The following CAMK2B variants were observed in gnomAD, a reference collection of about 807,000 sequenced individuals.
The protein encoded by CAMK2B is calcium/calmodulin dependent protein kinase II beta.
A neutral mutation model predicts 93.7 loss-of-function variants in CAMK2B; 27 were observed. The ratio of observed to expected loss-of-function variants is 0.29; its 90% CI spans 0.21 to 0.40. The LOEUF is 0.40. Among genes scored for constraint, CAMK2B ranks in the 10% least tolerant of loss-of-function variants. The pLI is 1.00. For synonymous variants in CAMK2B, 374 were observed against 358.8 expected, an observed-to-expected ratio of 1.04 and a Z score of -0.48; for missense variants, 568 against 895.8, an observed-to-expected ratio of 0.63 and a Z score of 4.67.
chr7:44,240,086 G>A (rs995416537), intron 12 of CAMK2B, among the ~76,000 whole-genome samples: 2 of 152,122 alleles, frequency 1.3e-5, no homozygotes, highest in Admixed American at 1.3e-4. Context: ...AGTGTCGGAC[G>A]ACGGAGAAGC....
chr7:44,256,134 C>A (rs2096831471), intron 4 of CAMK2B, among the ~76,000 whole-genome samples: 1 of 152,246 alleles, frequency 6.6e-6, no homozygotes, highest in Admixed American at 6.5e-5. Flanking sequence ...CCTCTCCTCT[C>A]ACTCCTCATG....
rs189909271 is a variant in CAMK2B at position 44,255,796 on chromosome 7, T to C, written c.276-1189A>G. Among the ~76,000 whole-genome samples the C allele has an allele frequency of 1.9e-4, 29 of 152,276 alleles. 1 individual carries two copies. The East Asian group carries it at 5.2e-3, about 27-fold the overall frequency. On this transcript the variant is annotated intron_variant, in intron 4 of 23. Coordinates refer to ENST00000395749, the MANE Select transcript of CAMK2B (RefSeq NM_001220.5). ...GCACATGTGGGTGCTCTCTCAGCAC[T>C]GGAGAAAAAGAAAAGTGAGCATGTG... is the stretch of plus-strand genomic sequence containing the variant.
chr7:44,297,563 CA>C (rs1265815604), intron 1 of CAMK2B, among the ~76,000 whole-genome samples: 1 of 152,036 alleles, frequency 6.6e-6, no homozygotes, highest in African/African-American at 2.4e-5. Context: ...CTTATTGGAT[CA>C]AAAAACAAGA....
In CAMK2B at chr7:44,236,368, T is replaced by C. The variant is rs145258483; in HGVS notation, c.1022-1692A>G. Reference sequence around the variant, plus strand: ...TTCCCAGCCTCCCCTTCCTCACAGATCTCTTAACTCTCAACAATTTTGTAT... The same window carrying C: ...TTCCCAGCCTCCCCTTCCTCACAGACCTCTTAACTCTCAACAATTTTGTAT... On this transcript the variant is annotated intron_variant, in intron 13 of 23. Coordinates refer to ENST00000395749, the MANE Select transcript of CAMK2B (RefSeq NM_001220.5). 9.2e-5 allele frequency among the ~76,000 whole-genome samples: 14 copies of C among 152,264 alleles called. No homozygotes were observed. In the East Asian group the frequency reaches 2.7e-3, roughly 29 times the overall value.
intron 17 of CAMK2B, 104 bp downstream of exon 17, chr7:44,230,902 C>T: frequency 1.0e-6 from 1 of 956,520 alleles, no homozygotes; most frequent in Non-Finnish European, 1.6e-6. Context: ...CATGCATAAA[C>T]TAGGCGTCGC....
At chr7:44,245,208 A>G (rs2096718818) in intron 6 of CAMK2B, among the ~76,000 whole-genome samples, 1 of 152,114 alleles carries the variant, frequency 6.6e-6, no homozygotes, top group Admixed American at 6.5e-5. Flanking sequence ...GGTAGCTCTC[A>G]GGCTGTGCCC....
At chr7:44,242,905 T>A (rs2096695294) in intron 8 of CAMK2B, among the ~76,000 whole-genome samples, 1 of 152,148 alleles carries the variant, frequency 6.6e-6, no homozygotes, top group African/African-American at 2.4e-5. Context: ...TCCCCACCTC[T>A]GTGGGAGGAG....
At chr7:44,249,043 T>A (rs144169608) in intron 5 of CAMK2B, among the ~76,000 whole-genome samples, 315 of 152,274 alleles carry the variant, frequency 2.1e-3, no homozygotes, top group African/African-American at 6.9e-3. Flanking sequence ...ATCTAGAGAC[T>A]TCCTGGCCTC....
At chr7:44,289,602 G>A (rs1008384211) in intron 1 of CAMK2B, among the ~76,000 whole-genome samples, 1 of 152,146 alleles carries the variant, frequency 6.6e-6, no homozygotes, top group Non-Finnish European at 1.5e-5. Flanking sequence ...CCTCACAAGG[G>A]CTGGTGACTT....
intron 1 of CAMK2B, among the ~76,000 whole-genome samples, chr7:44,285,210 G>A (rs2129107904): frequency 6.6e-6 from 1 of 152,352 alleles, no homozygotes; most frequent in South Asian, 2.1e-4. Flanking sequence ...CACCACGGTT[G>A]ATTTAATTTG....
intron 2 of CAMK2B, among the ~76,000 whole-genome samples, chr7:44,270,342 G>A (rs949835808): frequency 6.6e-6 from 1 of 152,162 alleles, no homozygotes; most frequent in Non-Finnish European, 1.5e-5. Context: ...GCCAGAAGCT[G>A]TGTACTGTGC....
intron 2 of CAMK2B, among the ~76,000 whole-genome samples, chr7:44,267,508 A>C (rs78295989): frequency 6.6e-6 from 1 of 152,198 alleles, no homozygotes; most frequent in East Asian, 1.9e-4. Flanking sequence ...GGCATCTTGC[A>C]AATCTGCACC....
At position 44,248,745 on chromosome 7, in the gene CAMK2B, C is replaced by A. The variant is rs1474222048; in HGVS notation, c.342-1553G>T. 6.6e-6 allele frequency among the ~76,000 whole-genome samples: 1 copy of A among 152,202 alleles called. No individual in the cohort carries two copies. Among genetic ancestry groups the A allele is most frequent in the African/African-American group, 2.4e-5 (1 of 41,436 alleles). ...ACCCGTCTTGGTCCCATCTGTACAG[C>A]GTCAGCCATTGCATTAAAAAGTGAA... On this transcript the variant is annotated intron_variant, in intron 5 of 23. Transcript: ENST00000395749. This position sits in a 1 kb window ranked among gnomAD's most constrained non-coding sequence, Gnocchi z 4.1.
rs534669183 is a variant in CAMK2B at position 44,294,174 on chromosome 7, C to T, written c.66-9949G>A. Among the ~76,000 whole-genome samples the T allele has an allele frequency of 3.9e-5, 6 of 152,314 alleles. No homozygotes were observed. In the East Asian group the frequency reaches 1.2e-3, roughly 29 times the overall value. On this transcript the variant is annotated intron_variant, in intron 1 of 23. Transcript: ENST00000395749. Reference sequence around the variant, plus strand: ...GAAAACCCCAGTCTCTGCCTCTCTTCTTGGGTCCTCCCTGCCCTCGCCAAA... The same window carrying T: ...GAAAACCCCAGTCTCTGCCTCTCTTTTTGGGTCCTCCCTGCCCTCGCCAAA...
intron 1 of CAMK2B, among the ~76,000 whole-genome samples, chr7:44,318,110 G>A (rs1795250492): frequency 6.6e-6 from 1 of 152,166 alleles, no homozygotes; most frequent in South Asian, 2.1e-4. Flanking sequence ...TGCCCAGAAA[G>A]CCCCTAACTA....
intron 6 of CAMK2B, among the ~76,000 whole-genome samples, chr7:44,246,909 T>G (rs1230412624): frequency 6.6e-6 from 1 of 151,816 alleles, no homozygotes; most frequent in Non-Finnish European, 1.5e-5. Context: ...CACGCACATA[T>G]GCACACCATC....
intron 5 of CAMK2B, among the ~76,000 whole-genome samples, chr7:44,252,149 C>A (rs979205548): frequency 2.6e-5 from 4 of 152,018 alleles, no homozygotes; most frequent in Admixed American, 1.3e-4. Flanking sequence ...GAGGGGTTGG[C>A]GCTCTGGAGG....
At chr7:44,296,063 A>C (rs1788229629) in intron 1 of CAMK2B, among the ~76,000 whole-genome samples, 1 of 152,238 alleles carries the variant, frequency 6.6e-6, no homozygotes, top group South Asian at 2.1e-4. Context: ...TTCAATAAAA[A>C]AACTACAAGG....
At chr7:44,229,077 C>A (rs754302669) in intron 18 of CAMK2B, 153 bp from the exon 19 acceptor site, 48 of 757,500 alleles carry the variant, frequency 6.3e-5, no homozygotes, top group Non-Finnish European at 1.0e-4. Context: ...TAGCAGGGAG[C>A]CCCCCCGCCC....
Sources: allele counts gnomAD v4.1 joint callset (sites outside exome capture counted in the v4.1 genomes callset), GRCh38; gene constraint gnomAD v4.1.1; non-coding constraint Gnocchi (gnomAD v3.1); transcripts MANE v1.5; gene names NCBI Gene and HGNC (gene_info 2026-07-23, HGNC 2026-07-21).